The following TAOK1 variants were observed in gnomAD, a reference collection of about 807,000 sequenced individuals.
The protein encoded by TAOK1 is serine/threonine-protein kinase TAO1.
Under a neutral mutation model 138.3 loss-of-function variants are expected in TAOK1, and 21 were observed. The observed-to-expected ratio is 0.15, with a 90% confidence interval of 0.11 to 0.22. TAOK1 has a LOEUF of 0.22. TAOK1 is among the 10% of genes least tolerant of loss of function. The probability of loss-of-function intolerance (pLI) is 1.00; values close to 1 mark genes in which losing one functional copy is unlikely to be tolerated. For synonymous variants in TAOK1, 361 were observed against 398.4 expected (o/e 0.91, Z 1.12); for missense variants, 651 against 1,227.7 (o/e 0.53, Z 7.02).
intron 1 of TAOK1, among the ~76,000 whole-genome samples, chr17:29,395,252 C>A (rs1174535823): frequency 6.6e-6 from 1 of 151,864 alleles, no homozygotes; most frequent in Non-Finnish European, 1.5e-5. Context: ...AAAACAAAAG[C>A]CTGTGTGGTG....
At position 29,482,302 on chromosome 17, in the gene TAOK1, T is replaced by G; in HGVS notation, c.655+14T>G. 6.4e-7 allele frequency: 1 copy of G among 1,574,066 alleles called. No homozygotes were observed. The highest frequency in any genetic ancestry group is 8.7e-7 in the Non-Finnish European group (1 of 1,148,672). ...GTATTGAACTAGGTAAGCATTGTTC[T>G]TCATTACTATGGATTAAGTTTTGAT... On this transcript the variant is annotated intron_variant, in intron 8 of 19. Transcript: ENST00000261716.
intron 1 of TAOK1, among the ~76,000 whole-genome samples, chr17:29,438,344 T>G (rs1205317508): frequency 6.6e-6 from 1 of 152,224 alleles, no homozygotes; most frequent in Non-Finnish European, 1.5e-5. Flanking sequence ...CAAAACAAAT[T>G]TAAGTTTCCT....
intron 9 of TAOK1, among the ~76,000 whole-genome samples, chr17:29,490,989 G>A (rs1737938233): frequency 6.6e-6 from 1 of 152,134 alleles, no homozygotes; most frequent in Non-Finnish European, 1.5e-5. Flanking sequence ...CAACACTGTT[G>A]CACTGGAGAT....
intron 1 of TAOK1, chr17:29,424,869 T>TGTG (rs1905584332): frequency 6.6e-6 from 1 of 152,180 alleles, no homozygotes; most frequent in South Asian, 2.1e-4. Context: ...AGTGAGCACA[T>TGTG]GTAAGTTTCT....
At chr17:29,542,329 C>G (rs1279887165) in intron 19 of TAOK1, among the ~76,000 whole-genome samples, 2 of 152,036 alleles carry the variant, frequency 1.3e-5, no homozygotes, top group East Asian at 3.9e-4. Flanking sequence ...CCAGACTTCA[C>G]CACTACGCAA....
At chr17:29,489,847 G>A (rs2031259957) in intron 9 of TAOK1, 90 bp downstream of exon 9, 2 of 877,592 alleles carry the variant, frequency 2.3e-6, no homozygotes, top group African/African-American at 3.5e-5. Flanking sequence ...ATTTCAGTTA[G>A]GTAAAATGTA....
intron 1 of TAOK1, among the ~76,000 whole-genome samples, chr17:29,400,552 T>G (rs1459387360): frequency 6.6e-6 from 1 of 152,138 alleles, no homozygotes; most frequent in African/African-American, 2.4e-5. Context: ...CATTTTTATT[T>G]AGGTATCTTT....
intron 16 of TAOK1, among the ~76,000 whole-genome samples, chr17:29,521,109 C>T (rs1156878296): frequency 6.6e-6 from 1 of 152,024 alleles, no homozygotes; most frequent in East Asian, 1.9e-4. Context: ...AGTTATGTGC[C>T]TAAAACATAT....
chr17:29,517,726 A>G (rs1418988430), intron 16 of TAOK1, 70 bp downstream of exon 16: 1 of 1,448,154 alleles, frequency 6.9e-7, no homozygotes, highest in East Asian at 2.3e-5. Flanking sequence ...TTCCAATTCC[A>G]TTCTAGTCTC....
intron 1 of TAOK1, among the ~76,000 whole-genome samples, chr17:29,395,517 C>G (rs901355600): frequency 1.3e-5 from 2 of 152,196 alleles, no homozygotes; most frequent in South Asian, 2.1e-4. Context: ...GGCGGCAGAA[C>G]AAGACTCCAT....
chr17:29,511,764 C>G (rs1222042101), intron 15 of TAOK1: 1 of 151,942 alleles, frequency 6.6e-6, no homozygotes, highest in Non-Finnish European at 1.5e-5. Flanking sequence ...CTAGTCTGGT[C>G]TCAAACTCCT....
At chr17:29,516,305 A>C (rs2031813243) in intron 15 of TAOK1, among the ~76,000 whole-genome samples, 1 of 151,634 alleles carries the variant, frequency 6.6e-6, no homozygotes, top group African/African-American at 2.4e-5. Flanking sequence ...GATAATATTC[A>C]CGTAGGTAAT....
intron 2 of TAOK1, among the ~76,000 whole-genome samples, chr17:29,457,834 G>A (rs1457219875): frequency 1.3e-5 from 2 of 152,078 alleles, no homozygotes; most frequent in Non-Finnish European, 2.9e-5. Context: ...CAAAAGGCCA[G>A]GCACGGTGGC....
chr17:29,421,905 A>G (rs565508263), intron 1 of TAOK1, among the ~76,000 whole-genome samples: 3 of 149,820 alleles, frequency 2.0e-5, no homozygotes, highest in Non-Finnish European at 3.0e-5. Flanking sequence ...GCTATCCTCT[A>G]TTTATCCTTT....
intron 18 of TAOK1, among the ~76,000 whole-genome samples, chr17:29,531,452 G>C (rs879551510): frequency 2.9e-5 from 4 of 135,772 alleles, no homozygotes; most frequent in Non-Finnish European, 6.2e-5. Context: ...TAAGAGCTTT[G>C]TAAACTTTTT....
chr17:29,505,122 A>G (rs1356334949), intron 13 of TAOK1, among the ~76,000 whole-genome samples: 1 of 152,206 alleles, frequency 6.6e-6, no homozygotes, highest in African/African-American at 2.4e-5. Context: ...CATTTACTTC[A>G]CTTAAAATAT....
chr17:29,422,438 T>C (rs1302755753), intron 1 of TAOK1, among the ~76,000 whole-genome samples: 1 of 150,506 alleles, frequency 6.6e-6, no homozygotes, highest in Non-Finnish European at 1.5e-5. Context: ...GGTCTCAAAC[T>C]CCTGACCATC....
At chr17:29,432,401 A>G (rs1905870278) in intron 1 of TAOK1, among the ~76,000 whole-genome samples, 1 of 152,198 alleles carries the variant, frequency 6.6e-6, no homozygotes, top group Non-Finnish European at 1.5e-5. Context: ...CGGTAAACCC[A>G]CAACCTTCGG....
At chr17:29,538,987 G>A (rs1379466252) in intron 19 of TAOK1, among the ~76,000 whole-genome samples, 1 of 152,174 alleles carries the variant, frequency 6.6e-6, no homozygotes, top group Non-Finnish European at 1.5e-5. Flanking sequence ...GGTGGGTGCA[G>A]TGGCTTACAC....
Sources: allele counts gnomAD v4.1 joint callset (sites outside exome capture counted in the v4.1 genomes callset), GRCh38; gene constraint gnomAD v4.1.1; transcripts MANE v1.5; gene names NCBI Gene and HGNC (gene_info 2026-07-23, HGNC 2026-07-21).